ADTRP: variants seen among roughly 807,000 people sequenced by gnomAD.
ADTRP encodes the protein androgen dependent TFPI regulating protein, also known as androgen-dependent TFPI-regulating protein.
Under a neutral mutation model 27.0 loss-of-function variants are expected in ADTRP, and 20 were observed. The ratio of observed to expected loss-of-function variants is 0.74; its 90% confidence interval spans 0.52 to 1.08. The LOEUF is 1.08. ADTRP is among the 50% of genes least tolerant of loss of function. The pLI is 0.00. For synonymous variants in ADTRP, 101 were observed against 105.2 expected (o/e 0.96, Z 0.25); for missense variants, 251 against 275.0 (o/e 0.91, Z 0.62).
chr6:11,768,461 C>T (rs1763646040), intron 1 of ADTRP, 78 bp from the exon 2 acceptor site: 6 of 1,548,770 alleles, frequency 3.9e-6, no homozygotes, highest in Non-Finnish European at 5.3e-6. Context: ...AACTCCATCC[C>T]TCTGAGAGTA....
intron 4 of ADTRP, among the ~76,000 whole-genome samples, chr6:11,729,485 T>C (rs1762317316): frequency 6.6e-6 from 1 of 152,150 alleles, no homozygotes; most frequent in African/African-American, 2.4e-5. Flanking sequence ...TTGCTGCTCC[T>C]TCCCCCTCCT....
chr6:11,726,144 A>T (rs548734826), intron 4 of ADTRP, among the ~76,000 whole-genome samples: 9 of 152,244 alleles, frequency 5.9e-5, no homozygotes, highest in Non-Finnish European at 1.2e-4. Flanking sequence ...GTAAAAGGAC[A>T]AATACTGTAT....
At chr6:11,723,270 TTTTC>T (rs1308354279) in intron 5 of ADTRP, 75 bp downstream of exon 5, 1 of 1,542,400 alleles carries the variant, frequency 6.5e-7, no homozygotes, top group African/African-American at 1.4e-5. Context: ...TGCGGCTAGT[TTTTC>T]TTTCTGTTTC....
At chr6:11,747,887 T>A (rs1762918128) in intron 3 of ADTRP, among the ~76,000 whole-genome samples, 1 of 152,220 alleles carries the variant, frequency 6.6e-6, no homozygotes, top group Non-Finnish European at 1.5e-5. Flanking sequence ...ATGTCCTTAT[T>A]CCTCTGCTTA....
rs210929 is a variant in ADTRP, at chr6:11,744,889, G to C, written c.391-9206C>G. 6.4e-3 allele frequency among the ~76,000 whole-genome samples: 970 copies of C among 152,310 alleles called. 27 individuals carry two copies. Among genetic ancestry groups the C allele is most frequent in the Admixed American group, 0.043 (665 of 15,306 alleles). ...TTCCAATATCTCATCACGATGTCAA[G>C]TAAGGGCTCAGAGTGTGTAAGCAGC... is the stretch of plus-strand genomic sequence containing the variant. On this transcript the variant is annotated intron_variant, in intron 3 of 5. Coordinates refer to ENST00000414691, the MANE Select transcript of ADTRP (RefSeq NM_032744.4).
intron 1 of ADTRP, among the ~76,000 whole-genome samples, chr6:11,769,330 G>C (rs1289431450): frequency 1.3e-5 from 2 of 152,092 alleles, no homozygotes; most frequent in East Asian, 3.9e-4. Context: ...GCTGGGCTGG[G>C]GATTGATCAA....
At chr6:11,749,025 G>C (rs1029914318) in intron 3 of ADTRP, among the ~76,000 whole-genome samples, 2 of 152,218 alleles carry the variant, frequency 1.3e-5, no homozygotes, top group African/African-American at 4.8e-5. Context: ...GGTCTGTAGA[G>C]GCCTGAAAAT....
intron 1 of ADTRP, among the ~76,000 whole-genome samples, chr6:11,775,933 A>G (rs1233572438): frequency 6.6e-6 from 1 of 152,240 alleles, no homozygotes; most frequent in Non-Finnish European, 1.5e-5. Context: ...GGTAAAATAA[A>G]TATAAGAATG....
At chr6:11,736,456 T>C (rs1294560281) in intron 3 of ADTRP, 1 of 152,538 alleles carries the variant, frequency 6.6e-6, no homozygotes, top group Non-Finnish European at 1.5e-5. Flanking sequence ...CACATGCACA[T>C]GCACACATCC....
intron 2 of ADTRP, among the ~76,000 whole-genome samples, chr6:11,767,047 A>T (rs913173343): frequency 2.6e-5 from 4 of 152,222 alleles, no homozygotes; most frequent in African/African-American, 9.7e-5. Flanking sequence ...CTAAGCCTCA[A>T]AAAATAAACA....
chr6:11,762,258 C>T (rs1378679849), intron 3 of ADTRP, among the ~76,000 whole-genome samples: 1 of 152,198 alleles, frequency 6.6e-6, no homozygotes, highest in African/African-American at 2.4e-5. Flanking sequence ...GCACAGAACC[C>T]CTCCTGTCCA....
intron 5 of ADTRP, among the ~76,000 whole-genome samples, chr6:11,714,743 C>A (rs994793877): frequency 6.6e-6 from 1 of 152,234 alleles, no homozygotes; most frequent in Non-Finnish European, 1.5e-5. Flanking sequence ...TAGCCAGGCA[C>A]CCACGATGCT....
chr6:11,720,039 G>A (rs1044516931), intron 5 of ADTRP, among the ~76,000 whole-genome samples: 1 of 152,198 alleles, frequency 6.6e-6, no homozygotes, highest in East Asian at 1.9e-4. Context: ...CTCACTCAGT[G>A]TCACAGGTAC....
chr6:11,769,152 C>G (rs1433682780), intron 1 of ADTRP, among the ~76,000 whole-genome samples: 1 of 152,100 alleles, frequency 6.6e-6, no homozygotes, highest in Non-Finnish European at 1.5e-5. Context: ...TCTGTGGTTT[C>G]TCATTTAAGA....
intron 4 of ADTRP, 75 bp downstream of exon 4, chr6:11,735,493 C>A: frequency 9.9e-7 from 1 of 1,014,496 alleles, no homozygotes. Context: ...TCTGACAGAA[C>A]AGTACACATT....
rs117525030 is a variant in ADTRP at position 11,721,279 on chromosome 6, T to A, written c.658+2070A>T. 3.5e-3 allele frequency among the ~76,000 whole-genome samples: 528 copies of A among 152,258 alleles called. 23 individuals carry two copies. In the East Asian group the frequency reaches 0.078, roughly 23 times the overall value. ...TCAACGTGGAGGGAAAACCAGCAGT[T>A]TGGTGCCACTGGGGCACACATATAG... On this transcript the variant is annotated intron_variant, in intron 5 of 5. Coordinates refer to ENST00000414691, the MANE Select transcript of ADTRP (RefSeq NM_032744.4).
chr6:11,738,132 G>A (rs1265107516), intron 3 of ADTRP, among the ~76,000 whole-genome samples: 1 of 152,180 alleles, frequency 6.6e-6, no homozygotes, highest in Non-Finnish European at 1.5e-5. Flanking sequence ...AGCATTTGCT[G>A]GGGTTGTCAC....
At chr6:11,730,348 G>T (rs1166500564) in intron 4 of ADTRP, among the ~76,000 whole-genome samples, 4 of 152,226 alleles carry the variant, frequency 2.6e-5, no homozygotes, top group African/African-American at 9.7e-5. Context: ...GATGATCTCA[G>T]TTGAAGGTCA....
chr6:11,767,633 A>G (rs1763617294), intron 2 of ADTRP: 1 of 152,206 alleles, frequency 6.6e-6, no homozygotes, highest in Non-Finnish European at 1.5e-5. Context: ...TGTCATAGAA[A>G]TGTGGATGGC....
Sources: allele counts gnomAD v4.1 joint callset (sites outside exome capture counted in the v4.1 genomes callset), GRCh38; gene constraint gnomAD v4.1.1; transcripts MANE v1.5; gene names NCBI Gene and HGNC (gene_info 2026-07-23, HGNC 2026-07-21).